BNC2: variants seen among roughly 807,000 people sequenced by gnomAD.
BNC2 encodes zinc finger protein basonuclin-2.
In BNC2, 20 loss-of-function variants were observed where a neutral mutation model predicts 76.3. The ratio of observed to expected loss-of-function variants is 0.26; its 90% CI spans 0.18 to 0.38. The LOEUF (loss-of-function observed/expected upper bound fraction) is 0.38, where lower values mean the gene tolerates loss of function less well. BNC2 is among the 10% of genes least tolerant of loss of function. BNC2 has a pLI of 1.00. For synonymous variants in BNC2, 582 were observed against 514.8 expected, an observed-to-expected ratio of 1.13 and a Z score of -1.77; for missense variants, 1,382 against 1,399.8, an observed-to-expected ratio of 0.99 and a Z score of 0.20.
At chr9:16,488,990 TAA>T (rs1277359818) in intron 5 of BNC2, among the ~76,000 whole-genome samples, 1 of 152,192 alleles carries the variant, frequency 6.6e-6, no homozygotes, top group Non-Finnish European at 1.5e-5. Context: ...ACCTATACAC[TAA>T]GACAATAGAA....
intron 3 of BNC2, among the ~76,000 whole-genome samples, chr9:16,611,278 CAG>C (rs1282397145): frequency 9.9e-5 from 15 of 152,140 alleles, no homozygotes. Context: ...TCCATCCAGC[CAG>C]AGTTTTTTCT....
intron 5 of BNC2, among the ~76,000 whole-genome samples, chr9:16,473,791 C>T (rs558894825): frequency 1.3e-5 from 2 of 152,090 alleles, no homozygotes; most frequent in Admixed American, 6.5e-5. Context: ...GAGAATCACT[C>T]GAACCCAGGA....
At chr9:16,667,494 G>A (rs1350172548) in intron 3 of BNC2, among the ~76,000 whole-genome samples, 1 of 152,168 alleles carries the variant, frequency 6.6e-6, no homozygotes, top group Non-Finnish European at 1.5e-5. Context: ...GTAATTTGAG[G>A]TGGTCATCCT....
At chr9:16,744,168 A>G (rs538454355) in intron 1 of BNC2, among the ~76,000 whole-genome samples, 7 of 151,852 alleles carry the variant, frequency 4.6e-5, no homozygotes, top group Admixed American at 1.3e-4. Flanking sequence ...ACGGGTTTTC[A>G]CCATGTTAGC....
chr9:16,858,395 T>TC (rs1819314481), intron 1 of BNC2, among the ~76,000 whole-genome samples: 1 of 152,184 alleles, frequency 6.6e-6, no homozygotes, highest in African/African-American at 2.4e-5. Flanking sequence ...ATATTTCTTG[T>TC]CCCCTGGAGT....
chr9:16,788,319 C>T (rs1289818850), intron 1 of BNC2, among the ~76,000 whole-genome samples: 13 of 151,612 alleles, frequency 8.6e-5, no homozygotes, highest in East Asian at 2.0e-4. Context: ...TCTGGGAGGC[C>T]AAGGTGGGCA....
At chr9:16,429,475 A>C (rs1204232543) in intron 6 of BNC2, 1 of 154,288 alleles carries the variant, frequency 6.5e-6, no homozygotes, top group Non-Finnish European at 1.4e-5. Context: ...GGTCAGATAG[A>C]TTCTGAGGGA....
chr9:16,512,806 G>A (rs1208786516), intron 5 of BNC2, among the ~76,000 whole-genome samples: 1 of 152,030 alleles, frequency 6.6e-6, no homozygotes, highest in Admixed American at 6.6e-5. Flanking sequence ...CTGGCATAAA[G>A]CATAACTTTC....
In BNC2 at chr9:16,647,598, G is replaced by C. The variant is rs145624066; in HGVS notation, c.331-64513C>G. Among the ~76,000 whole-genome samples, 165 of 152,258 alleles carry C rather than the reference G, an allele frequency of 1.1e-3. 2 individuals carry two copies. Among genetic ancestry groups the C allele is most frequent in the African/African-American group, 3.7e-3 (155 of 41,564 alleles). ...AAGATGACAATGACTTTATGAAGAA[G>C]CTTGATCCAAGTGCAACCATGATGA... On this transcript the variant is annotated intron_variant, in intron 3 of 6. Transcript: ENST00000380672.
intron 6 of BNC2, chr9:16,435,138 T>C (rs1368004945): frequency 6.8e-6 from 3 of 442,736 alleles, no homozygotes; most frequent in East Asian, 7.1e-5. Flanking sequence ...GATAATATAC[T>C]GATTTAATTA....
intron 1 of BNC2, among the ~76,000 whole-genome samples, chr9:16,739,997 T>C (rs1824794702): frequency 6.6e-6 from 1 of 152,196 alleles, no homozygotes; most frequent in Non-Finnish European, 1.5e-5. Flanking sequence ...AGCAGCCATC[T>C]ACACAGACCT....
chr9:16,667,074 T>TACACAC (rs1229856022), intron 3 of BNC2, among the ~76,000 whole-genome samples: 59 of 144,850 alleles, frequency 4.1e-4, no homozygotes, highest in Middle Eastern at 3.4e-3. Flanking sequence ...ATCACTCAGA[T>TACACAC]ACACATACAC....
At chr9:16,777,134 AT>A (rs1405418677) in intron 1 of BNC2, among the ~76,000 whole-genome samples, 2 of 152,042 alleles carry the variant, frequency 1.3e-5, no homozygotes, top group Admixed American at 6.6e-5. Context: ...CTCAAAAAAA[AT>A]AATTAATTAA....
rs1483264588 is a variant in BNC2, at chr9:16,525,009, G to C, written c.669+27521C>G. The stretch of plus-strand genomic sequence containing the variant: ...GATCACTTGAGCCTGAAAGGTCAAA[G>C]CTGCAGTGAGCTGTGATAGCGCCAC... On this transcript the variant is annotated intron_variant, in intron 5 of 6. Coordinates refer to ENST00000380672, the MANE Select transcript of BNC2 (RefSeq NM_017637.6). Among the ~76,000 whole-genome samples, 6 of 150,756 alleles carry C rather than the reference G, an allele frequency of 4.0e-5. No individual in the cohort carries two copies. In the Admixed American group the frequency reaches 4.0e-4, roughly 10 times the overall value.
At chr9:16,689,870 A>G (rs1181303804) in intron 3 of BNC2, among the ~76,000 whole-genome samples, 1 of 152,226 alleles carries the variant, frequency 6.6e-6, no homozygotes, top group African/African-American at 2.4e-5. Flanking sequence ...AGATTTGACA[A>G]TAAGCTCACC....
In BNC2 at chr9:16,822,204, C is replaced by T. The variant is rs931443810; in HGVS notation, c.3+48442G>A. Among the ~76,000 whole-genome samples the T allele has an allele frequency of 5.3e-5, 8 of 151,536 alleles. No homozygotes were observed. In the East Asian group the frequency reaches 5.8e-4, roughly 11 times the overall value. The stretch of plus-strand genomic sequence containing the variant: ...GTTTGAGCCTGGGAGGCGCAGGCTG[C>T]GGGGAGGAAGAGGTTATAACAACAG... On this transcript the variant is annotated intron_variant, in intron 1 of 6. Coordinates refer to ENST00000380672, the MANE Select transcript of BNC2 (RefSeq NM_017637.6).
chr9:16,684,576 T>C (rs1248927956), intron 3 of BNC2, among the ~76,000 whole-genome samples: 1 of 152,294 alleles, frequency 6.6e-6, no homozygotes, highest in East Asian at 1.9e-4. Flanking sequence ...TTCTCATTTG[T>C]GGTTCTAAAT....
intron 3 of BNC2, among the ~76,000 whole-genome samples, chr9:16,702,666 C>A (rs1243004958): frequency 6.6e-6 from 1 of 151,728 alleles, no homozygotes; most frequent in Non-Finnish European, 1.5e-5. Context: ...TCCAAAAATT[C>A]AAGCTTCCCA....
intron 1 of BNC2, among the ~76,000 whole-genome samples, chr9:16,853,173 T>C (rs1291471409): frequency 4.6e-5 from 7 of 152,126 alleles, no homozygotes; most frequent in Non-Finnish European, 8.8e-5. Flanking sequence ...ATCCCAGCAC[T>C]TTGGGAGGCC....
Sources: gnomAD v4.1 joint callset for allele counts (sites outside exome capture counted in the v4.1 genomes callset) on GRCh38, gnomAD v4.1.1 for gene constraint, MANE v1.5 for transcripts, NCBI Gene and HGNC (gene_info 2026-07-23, HGNC 2026-07-21) for gene names.